UTP6: variants seen among roughly 807,000 people sequenced by gnomAD.
The protein encoded by UTP6 is U3 small nucleolar RNA-associated protein 6 homolog.
Under a neutral mutation model 96.5 loss-of-function variants are expected in UTP6, and 60 were observed. The ratio of observed to expected loss-of-function variants is 0.62; its 90% CI spans 0.51 to 0.77. The LOEUF (loss-of-function observed/expected upper bound fraction) is 0.77, where lower values mean the gene tolerates loss of function less well. Among genes scored for constraint, UTP6 ranks in the 30% least tolerant of loss-of-function variants. The pLI, the probability that UTP6 is intolerant of heterozygous loss-of-function variation, is 0.00. For synonymous variants in UTP6, 215 were observed against 240.1 expected (o/e 0.90, Z 0.96); for missense variants, 637 against 706.5 (o/e 0.90, Z 1.12).
intron 1 of UTP6, among the ~76,000 whole-genome samples, chr17:31,900,282 T>C (rs548657464): frequency 1.3e-5 from 2 of 152,326 alleles, no homozygotes; most frequent in African/African-American, 4.8e-5. Flanking sequence ...AAGAACTTTA[T>C]ACCATTTATG....
Position 31,880,637 on chromosome 17 carries a change from C to G in UTP6, c.903G>C (p.Glu301Asp). The change falls in exon 11 of 19, where the codon GAG becomes GAC. Residue 301 changes from glutamate to aspartate, a missense_variant. Physicochemically the swap from Glu to Asp is conservative, Grantham distance 45 (BLOSUM62 2). Coordinates refer to ENST00000261708, the MANE Select transcript of UTP6 (RefSeq NM_018428.3). ...QPTTKQAKAVEVGRKEERCCA... is the reference protein window; with the variant it reads ...QPTTKQAKAVDVGRKEERCCA... Reference sequence around the variant, plus strand: ...AGCACCTCTCCTCCTTCCGGCCGACCTCCACTGCTTTGGCTTGTTTCGTTG... The same window carrying G: ...AGCACCTCTCCTCCTTCCGGCCGACGTCCACTGCTTTGGCTTGTTTCGTTG... The G allele has an allele frequency of 1.9e-6, 3 of 1,614,154 alleles. No homozygotes were observed. Among genetic ancestry groups the G allele is most frequent in the Non-Finnish European group, 2.5e-6 (3 of 1,180,022 alleles).
chr17:31,865,405 A>G lies in UTP6; in HGVS notation c.1597T>C (p.Tyr533His), dbSNP rs749289159. ...CCAAACTCTCTCAAAGCTCTCTCAT[A>G]ATATTCTCTTATGTTCGCCATATTG... ...SCNMANIREY[Y>H]ERALREFGSA... Residue 533 changes from tyrosine (Y) to histidine (H), a missense_variant, in exon 18 of 19, where the codon TAT becomes CAT. Physicochemically the swap from Tyr to His is moderately conservative, Grantham distance 83. Transcript: ENST00000261708. 6.2e-7 allele frequency: 1 copy of G among 1,614,042 alleles called. No homozygotes were observed. Among genetic ancestry groups the G allele is most frequent in the South Asian group, 1.1e-5 (1 of 91,072 alleles).
rs564202654 is a variant in UTP6 at position 31,876,638 on chromosome 17, C to T, written c.1126-1225G>A. On this transcript the variant is annotated intron_variant, in intron 13 of 18. Transcript: ENST00000261708. The stretch of plus-strand genomic sequence containing the variant: ...CAGCCTGGGCAACAAGAGCGAAACT[C>T]CGTCTCAAAAAAATAATAAATAAAT... Among the ~76,000 whole-genome samples the T allele has an allele frequency of 2.9e-3, 443 of 150,882 alleles. 2 individuals carry two copies. The highest frequency in any genetic ancestry group is 0.01 in the African/African-American group (426 of 41,114).
chr17:31,872,827 C>T (rs575111174), intron 16 of UTP6, among the ~76,000 whole-genome samples: 8 of 146,788 alleles, frequency 5.5e-5, no homozygotes, highest in East Asian at 1.9e-4. Flanking sequence ...ATGATGAAAC[C>T]GTCTCTACTA....
intron 14 of UTP6, among the ~76,000 whole-genome samples, chr17:31,874,931 TAA>T (rs11341659): frequency 3.5e-3 from 468 of 133,896 alleles, no homozygotes; most frequent in Middle Eastern, 3.9e-3. Flanking sequence ...GACTCCATCT[TAA>T]AAAAAAAAAA....
In UTP6 at chr17:31,885,599, C is replaced by G. The variant is rs530307719; in HGVS notation, c.703+381G>C. On this transcript the variant is annotated intron_variant, in intron 9 of 18. Transcript: ENST00000261708. ...GGTCAGGAGTACGAGACCAGCCTAG[C>G]CAACATAGTGAAACTACGTCTCTAC... Among the ~76,000 whole-genome samples, 4 of 152,000 alleles carry G rather than the reference C, an allele frequency of 2.6e-5. No homozygotes were observed. The East Asian group carries it at 7.9e-4, about 30-fold the overall frequency.
At chr17:31,868,993 C>T (rs1276338092) in intron 16 of UTP6, among the ~76,000 whole-genome samples, 1 of 152,020 alleles carries the variant, frequency 6.6e-6, no homozygotes, top group Non-Finnish European at 1.5e-5. Context: ...CACCTATAAT[C>T]CCATCTACTT....
chr17:31,895,877 C>G (rs1324454749), intron 2 of UTP6, among the ~76,000 whole-genome samples: 2 of 151,532 alleles, frequency 1.3e-5, no homozygotes, highest in South Asian at 2.1e-4. Context: ...TTAGCTATAT[C>G]CCTATTCACC....
chr17:31,898,867 C>G (rs1307066891), intron 2 of UTP6, among the ~76,000 whole-genome samples: 2 of 152,072 alleles, frequency 1.3e-5, no homozygotes, highest in African/African-American at 4.8e-5. Flanking sequence ...ATGGCAAAAC[C>G]CAGTCTCTAC....
chr17:31,869,771 T>G (rs1350576025), intron 16 of UTP6, among the ~76,000 whole-genome samples: 1 of 152,232 alleles, frequency 6.6e-6, no homozygotes, highest in Non-Finnish European at 1.5e-5. Flanking sequence ...CCCTGTTACC[T>G]GGGTAAGGAG....
chr17:31,898,645 C>T (rs950763774), intron 2 of UTP6, among the ~76,000 whole-genome samples: 6 of 151,908 alleles, frequency 3.9e-5, no homozygotes, highest in East Asian at 1.9e-4. Context: ...TTGCGGTGAG[C>T]GTGAGCAGAG....
Position 31,863,384 on chromosome 17 carries a change from G to A in UTP6, c.1769C>T (p.Ala590Val), listed in dbSNP as rs1312995319. The stretch of plus-strand genomic sequence containing the variant: ...TCATAAATGGCCAGTCTGATGCATA[G>A]CATGTTTAGCTACAAATGCCTCTGC... The part of the protein sequence containing the change: ...ESAEAFVAKH[A>V]MHQTGHL Residue 590 changes from alanine to valine, a missense_variant, in exon 19 of 19, where the codon GCT becomes GTT. Ala to Val is a moderately conservative substitution (Grantham distance 64). Coordinates refer to ENST00000261708, the MANE Select transcript of UTP6 (RefSeq NM_018428.3). The A allele has an allele frequency of 6.2e-7, 1 of 1,613,916 alleles. No homozygotes were observed. The highest frequency in any genetic ancestry group is 2.2e-5 in the East Asian group (1 of 44,868).
At chr17:31,875,843 A>T (rs1004156602) in intron 13 of UTP6, among the ~76,000 whole-genome samples, 2 of 151,832 alleles carry the variant, frequency 1.3e-5, no homozygotes, top group African/African-American at 4.8e-5. Context: ...AAAAAAGAAA[A>T]GAAATGAGCT....
rs1042443225 is a variant in UTP6 at position 31,881,185 on chromosome 17, T to C, written c.786-431A>G. ...GACTCTGTCTCAAAAAAAAAAAAAA[T>C]ATATTTCCCAACAGGCTCTCCAGAA... On this transcript the variant is annotated intron_variant, in intron 10 of 18. Coordinates refer to ENST00000261708, the MANE Select transcript of UTP6 (RefSeq NM_018428.3). Among the ~76,000 whole-genome samples, 7 of 150,046 alleles carry C rather than the reference T, an allele frequency of 4.7e-5. 1 individual carries two copies. Among genetic ancestry groups the C allele is most frequent in the African/African-American group, 1.7e-4 (7 of 40,852 alleles).
intron 16 of UTP6, 64 bp from the exon 17 acceptor site, chr17:31,868,176 G>A: frequency 2.0e-6 from 3 of 1,475,622 alleles, no homozygotes; most frequent in Non-Finnish European, 2.8e-6. Flanking sequence ...TCTCATAACT[G>A]TAAATACCGA....
intron 18 of UTP6, among the ~76,000 whole-genome samples, chr17:31,863,779 T>G (rs1909661837): frequency 6.6e-6 from 1 of 152,152 alleles, no homozygotes; most frequent in Non-Finnish European, 1.5e-5. Context: ...CATGGCTTAC[T>G]ACAGTCTCAA....
At chr17:31,867,170 T>C (rs1177938107) in intron 17 of UTP6, among the ~76,000 whole-genome samples, 1 of 152,160 alleles carries the variant, frequency 6.6e-6, no homozygotes, top group Non-Finnish European at 1.5e-5. Flanking sequence ...TAGGCTAGAC[T>C]ATCTCCTATA....
rs534320336 is a variant in UTP6, at chr17:31,894,069, G to C, written c.312+576C>G. Among the ~76,000 whole-genome samples the C allele has an allele frequency of 6.6e-5, 10 of 151,800 alleles. No individual in the cohort carries two copies. The South Asian group carries it at 2.1e-3, about 32-fold the overall frequency. On this transcript the variant is annotated intron_variant, in intron 4 of 18. Coordinates refer to ENST00000261708, the MANE Select transcript of UTP6 (RefSeq NM_018428.3). ...AGATCACTTGAGCCCAGGAGTTCGA[G>C]ACCAGCCTAAAAAACATGACGAAAC...
In UTP6 at chr17:31,892,249, T is replaced by C. The variant is rs1423621894; in HGVS notation, c.424+11A>G. ...TAAAACATAGAAAAATTGACAAAGA[T>C]TTCACCATACCTGGTTTGTTGGAAT... On this transcript the variant is annotated intron_variant, in intron 6 of 18. Coordinates refer to ENST00000261708, the MANE Select transcript of UTP6 (RefSeq NM_018428.3). The C allele has an allele frequency of 1.2e-6, 2 of 1,613,888 alleles. No individual in the cohort carries two copies. The highest frequency in any genetic ancestry group is 8.5e-7 in the Non-Finnish European group (1 of 1,179,894).
Sources: allele counts gnomAD v4.1 joint callset (sites outside exome capture counted in the v4.1 genomes callset), GRCh38; gene constraint gnomAD v4.1.1; transcripts MANE v1.5; gene names NCBI Gene and HGNC (gene_info 2026-07-23, HGNC 2026-07-21).